NPC2: variants seen among roughly 807,000 people sequenced by gnomAD.
NPC2 encodes the protein Niemann-Pick disease type C2 protein.
A neutral mutation model predicts 17.0 loss-of-function variants in NPC2; 14 were observed. The ratio of observed to expected loss-of-function variants is 0.82; its 90% CI spans 0.54 to 1.29. NPC2 has a LOEUF of 1.29. NPC2 is among the 50% of genes most tolerant of loss of function. The pLI is 0.00. For synonymous variants in NPC2, 75 were observed against 69.3 expected, an observed-to-expected ratio of 1.08 and a Z score of -0.41; for missense variants, 167 against 183.4, an observed-to-expected ratio of 0.91 and a Z score of 0.52.
chr14:74,480,324 T>G (rs754489350), intron 4 of NPC2, 36 bp from the exon 5 acceptor site: 145 of 1,567,564 alleles, frequency 9.3e-5, no homozygotes, highest in Non-Finnish European at 1.2e-4. Context: ...TGGAAGTGGT[T>G]TGGAACCTTT....
chr14:74,493,449 T>G, upstream of NPC2: 1 of 1,450,650 alleles, frequency 6.9e-7, no homozygotes, highest in Non-Finnish European at 9.3e-7. This position sits in a 1 kb window ranked among gnomAD's most constrained non-coding sequence, Gnocchi z 4.1. Context: ...TCCAGCCCTC[T>G]CAGGCCCAGA....
rs1399142643 is a variant in NPC2, at chr14:74,484,531, C to G, written c.247G>C (p.Val83Leu). Residue 83 changes from valine (V) to leucine (L), a missense_variant, in exon 3 of 5, where the codon GTT becomes CTT. Val to Leu is a conservative substitution (Grantham distance 32). Transcript: ENST00000555619. The stretch of plus-strand genomic sequence containing the variant: ...TCAGGCTCAGGAATGGGAAAGGGAA[C>G]TGGGACGCCCATCAGGATGCCATGC... ...VVHGILMGVP[V>L]PFPIPEPDGC... The G allele has an allele frequency of 6.2e-7, 1 of 1,614,012 alleles. No homozygotes were observed. The highest frequency in any genetic ancestry group is 8.5e-7 in the Non-Finnish European group (1 of 1,180,042).
intron 1 of NPC2, among the ~76,000 whole-genome samples, chr14:74,488,670 C>T (rs1263140661): frequency 6.6e-6 from 1 of 152,014 alleles, no homozygotes; most frequent in Non-Finnish European, 1.5e-5. Context: ...GCCGAGATTG[C>T]GCCACTGCAC....
chr14:74,485,469 TG>T (rs1284418570), intron 2 of NPC2, among the ~76,000 whole-genome samples: 1 of 151,888 alleles, frequency 6.6e-6, no homozygotes. Flanking sequence ...CCCAGAAAAT[TG>T]GTTCTGTTTC....
Position 74,480,055 on chromosome 14 carries a change from T to A in NPC2, c.*219A>T. ...AATTAAACATCTGCTAACCAAGTGC[T>A]GCATTTAATGAAACCACCTAAGACA... On this transcript the variant is annotated 3_prime_UTR_variant, in exon 5 of 5. Coordinates refer to ENST00000555619, the MANE Select transcript of NPC2 (RefSeq NM_006432.5). 6.6e-7 allele frequency: 1 copy of A among 1,510,460 alleles called. No homozygotes were observed. Among genetic ancestry groups the A allele is most frequent in the South Asian group, 1.2e-5 (1 of 80,090 alleles). 93.6% of individuals were successfully genotyped at this position (1,510,460 alleles called of 1,614,324 possible). A position where few individuals can be genotyped will look rare whatever the true frequency, so the allele number is the denominator to read the frequency against.
intron 3 of NPC2, among the ~76,000 whole-genome samples, chr14:74,484,015 G>C (rs61311019): frequency 0.033 from 5,076 of 152,084 alleles, 167 homozygotes; most frequent in African/African-American, 0.083. Context: ...TTGGAAAAAT[G>C]GGTCTTTTAT....
chr14:74,493,413 C>T (rs2086800882), upstream of NPC2: 10 of 1,538,128 alleles, frequency 6.5e-6, no homozygotes, highest in Non-Finnish European at 8.8e-6. This position sits in a 1 kb window ranked among gnomAD's most constrained non-coding sequence, Gnocchi z 4.1. Context: ...CCGCCCGCGC[C>T]CCGCCCCCGG....
intron 2 of NPC2, among the ~76,000 whole-genome samples, chr14:74,485,276 CAGAGCGAGACTCTGTCACAAAAAAAAAA>C (rs2086698347): frequency 9.6e-6 from 1 of 103,848 alleles, no homozygotes; most frequent in African/African-American, 4.3e-5. Flanking sequence ...GCCTGGGTGA[CAGAGCGAGACTCTGTCACAAAAAAAAAA>C]AAAAAAAAAA....
chr14:74,483,218 T>C, intron 3 of NPC2: 4 of 876,152 alleles, frequency 4.6e-6, no homozygotes, highest in Non-Finnish European at 5.7e-6. Flanking sequence ...GTATATTCAG[T>C]CCACGTTTGA....
chr14:74,484,144 G>A (rs2086683960), intron 3 of NPC2, among the ~76,000 whole-genome samples: 1 of 152,098 alleles, frequency 6.6e-6, no homozygotes, highest in Non-Finnish European at 1.5e-5. Flanking sequence ...CAGTTCTTAT[G>A]TATGATTAAA....
rs80358263 is a variant in NPC2 at position 74,486,378 on chromosome 14, G to T, written c.141C>A (p.Cys47Ter). Residue 47 changes from cysteine (C) to a stop codon, truncating the protein, a stop_gained, in exon 2 of 5, where the codon TGC becomes TGA. Transcript: ENST00000555619. LOFTEE classifies it high-confidence loss of function. ...TGTAAGACTGTCCTTTGCTCAGCTGGCAGGGTTGGGTGGGGCATGGGCTCA... is the reference window on the plus strand; with the variant it reads ...TGTAAGACTGTCCTTTGCTCAGCTGTCAGGGTTGGGTGGGGCATGGGCTCA... ...VNVSPCPTQPCQLSKGQSYSV... is the reference protein window; with the variant it reads ...VNVSPCPTQP 3 of 1,606,096 alleles carry T rather than the reference G, an allele frequency of 1.9e-6. No homozygotes were observed. In the South Asian group the frequency reaches 3.4e-5, roughly 18 times the overall value.
Position 74,484,446 on chromosome 14 carries a change from T to G in NPC2, c.332A>C (p.Asn111Thr). 1 of 1,614,136 alleles carries G rather than the reference T, an allele frequency of 6.2e-7. No homozygotes were observed. Among genetic ancestry groups the G allele is most frequent in the Non-Finnish European group, 8.5e-7 (1 of 1,180,012 alleles). Reference protein sequence around the residue: ...IQKDKTYSYLNKLPVKSEYPS... With the variant: ...IQKDKTYSYLTKLPVKSEYPS... The stretch of plus-strand genomic sequence containing the variant: ...ATATTCGCTTTTCACTGGTAGTTTA[T>G]TCAGGTAGCTATAGGTCTTGTCTTT... The change falls in exon 3 of 5, where the codon AAT becomes ACT. Residue 111 changes from asparagine to threonine, a missense_variant. Transcript: ENST00000555619.
chr14:74,492,347 C>T (rs1408391152), intron 1 of NPC2, among the ~76,000 whole-genome samples: 1 of 152,208 alleles, frequency 6.6e-6, no homozygotes. Flanking sequence ...GTTACACTTA[C>T]TCTGGCTCCC....
intron 2 of NPC2, 113 bp downstream of exon 2, chr14:74,486,216 C>A (rs1214768525): frequency 2.0e-6 from 2 of 1,005,500 alleles, no homozygotes; most frequent in East Asian, 2.6e-5. Flanking sequence ...CAAAAGAAAT[C>A]ATAAAATTCA....
In NPC2 at chr14:74,493,022, T is replaced by A. The variant is rs527337368; in HGVS notation, c.82+171A>T. ...CAAAGTTGTGCGCGGTCGGGTTTCA[T>A]GGAGGCCGGCGCCTTCTCCCCCGAC... On this transcript the variant is annotated intron_variant, in intron 1 of 4. Coordinates refer to ENST00000555619, the MANE Select transcript of NPC2 (RefSeq NM_006432.5). The surrounding 1 kb of genome is among the most constrained non-coding windows in gnomAD (Gnocchi z 4.1). Among the ~76,000 whole-genome samples, 2 of 152,198 alleles carry A rather than the reference T, an allele frequency of 1.3e-5. No homozygotes were observed. The highest frequency in any genetic ancestry group is 4.8e-5 in the African/African-American group (2 of 41,456).
rs71115996 is a variant in NPC2, at chr14:74,484,755, C to CAAA, written c.191-171_191-169dup. Among the ~76,000 whole-genome samples the CAAA allele has an allele frequency of 1.4e-3, 115 of 85,156 alleles. 3 individuals are homozygous for CAAA. The highest frequency in any genetic ancestry group is 1.9e-3 in the African/African-American group (40 of 21,048). The allele number at this position is 85,156 out of a possible 152,430, so 55.9% of individuals were successfully genotyped here. ...AGCATTCACTCCAAACACAATTATG[C>CAAA]AAAAAAAAAAAAAAAAAAAAAAACA... On this transcript the variant is annotated intron_variant, in intron 2 of 4. Coordinates refer to ENST00000555619, the MANE Select transcript of NPC2 (RefSeq NM_006432.5).
intron 1 of NPC2, among the ~76,000 whole-genome samples, chr14:74,491,628 T>G (rs2086775018): frequency 6.6e-6 from 1 of 152,204 alleles, no homozygotes. Flanking sequence ...TTTCAACACA[T>G]TTCATTGAGC....
intron 3 of NPC2, among the ~76,000 whole-genome samples, chr14:74,482,217 G>A (rs914719141): frequency 6.6e-6 from 1 of 152,166 alleles, no homozygotes. Context: ...CTTAAGCACA[G>A]ACATCCTATA....
chr14:74,483,087 C>T (rs2086671726), intron 3 of NPC2: 3 of 1,283,150 alleles, frequency 2.3e-6, no homozygotes, highest in South Asian at 2.4e-5. Flanking sequence ...AAGATTCCTA[C>T]AGAAAGCAAG....
Sources: allele counts gnomAD v4.1 joint callset (sites outside exome capture counted in the v4.1 genomes callset), GRCh38; gene constraint gnomAD v4.1.1; non-coding constraint Gnocchi (gnomAD v3.1); transcripts MANE v1.5; gene names NCBI Gene and HGNC (gene_info 2026-07-23, HGNC 2026-07-21).